NPHP4: variants seen among roughly 807,000 people sequenced by gnomAD.
NPHP4 encodes the protein nephrocystin 4.
A neutral mutation model predicts 155.8 loss-of-function variants in NPHP4; 151 were observed. The ratio of observed to expected loss-of-function variants is 0.97; its 90% CI spans 0.85 to 1.11. The LOEUF is 1.11. NPHP4 is among the 50% of genes least tolerant of loss of function. The probability of loss-of-function intolerance (pLI) is 0.00; values close to 1 mark genes in which losing one functional copy is unlikely to be tolerated. For missense variants in NPHP4, 1,956 were observed against 1,925.7 expected (o/e 1.02, Z -0.29); for synonymous variants, 845 against 816.8 (o/e 1.03, Z -0.59).
chr1:5,898,069 A>T (rs894702584), intron 16 of NPHP4, among the ~76,000 whole-genome samples: 18 of 152,328 alleles, frequency 1.2e-4, no homozygotes, highest in Middle Eastern at 3.4e-3. Context: ...GGCTGGTCTG[A>T]TGGAGATGCC....
At chr1:5,974,318 A>C (rs977106873) in intron 3 of NPHP4, among the ~76,000 whole-genome samples, 2 of 152,182 alleles carry the variant, frequency 1.3e-5, no homozygotes, top group African/African-American at 2.4e-5. Context: ...TGGGGGTTTA[A>C]GCTGTTGCTG....
chr1:5,963,541 C>T (rs1191826319), intron 5 of NPHP4, among the ~76,000 whole-genome samples: 7 of 152,098 alleles, frequency 4.6e-5, no homozygotes, highest in African/African-American at 1.4e-4. Context: ...TCTCTGGGGG[C>T]GGGGCACACA....
chr1:5,968,021 C>T (rs546801265), intron 4 of NPHP4, among the ~76,000 whole-genome samples: 1 of 152,204 alleles, frequency 6.6e-6, no homozygotes, highest in Admixed American at 6.5e-5. Flanking sequence ...ACGCGACAGA[C>T]ACTCAGCCAG....
chr1:5,948,274 G>A (rs1647230626), intron 7 of NPHP4, 23 bp from the exon 8 acceptor site: 2 of 1,527,686 alleles, frequency 1.3e-6, no homozygotes, highest in Non-Finnish European at 1.8e-6. Flanking sequence ...CAGAAGGAAT[G>A]AGCCCCGGCA....
rs528547815 is a variant in NPHP4 at position 5,866,453 on chromosome 1, G to A, written c.3564C>T (p.Pro1188=). The A allele has an allele frequency of 2.6e-5, 42 of 1,587,294 alleles. No homozygotes were observed. Among genetic ancestry groups the A allele is most frequent in the African/African-American group, 1.7e-4 (13 of 74,460 alleles). Residue 1188 remains proline, a synonymous_variant, in exon 26 of 30, where the codon CCC becomes CCT. Transcript: ENST00000378156. ...TCAGAAATATGTCCCGTGGTTCCCC[G>A]GGGCCCTGCCAACCAGATGTGCAGC... is the stretch of plus-strand genomic sequence containing the variant. The part of the protein sequence containing the change: ...NVICETQNVG[P]GEPRDIFLKV...
chr1:5,952,732 G>A lies in NPHP4; in HGVS notation c.778C>T (p.Leu260=), dbSNP rs1395916647. Reference sequence around the variant, plus strand: ...AAGTGGTCCTGGACGTGGAGCTCCAGCAGCTCTTCCTCAAACTTCTCCAGG... The same window carrying A: ...AAGTGGTCCTGGACGTGGAGCTCCAACAGCTCTTCCTCAAACTTCTCCAGG... ...PSLEKFEEEL[L]ELHVQDHFQE... The change falls in exon 7 of 30, where the codon CTG becomes TTG. Residue 260 remains leucine (L), a synonymous_variant. Transcript: ENST00000378156. The A allele has an allele frequency of 2.6e-6, 4 of 1,559,006 alleles. No individual in the cohort carries two copies. Among genetic ancestry groups the A allele is most frequent in the Non-Finnish European group, 3.5e-6 (4 of 1,151,246 alleles).
At chr1:5,911,260 C>A (rs1645166148) in intron 11 of NPHP4, among the ~76,000 whole-genome samples, 1 of 152,204 alleles carries the variant, frequency 6.6e-6, no homozygotes, top group South Asian at 2.1e-4. Flanking sequence ...GTACGGCAAA[C>A]CCCTGCCCAC....
At chr1:5,868,614 G>A (rs926906527) in intron 23 of NPHP4, among the ~76,000 whole-genome samples, 10 of 133,894 alleles carry the variant, frequency 7.5e-5, no homozygotes, top group Admixed American at 1.5e-4. Flanking sequence ...GCAGGCACAC[G>A]TGCACACACA....
Position 5,887,435 on chromosome 1 carries a change from T to C in NPHP4, c.2336A>G (p.Gln779Arg). 12 of 1,613,278 alleles carry C rather than the reference T, an allele frequency of 7.4e-6. No individual in the cohort carries two copies. The highest frequency in any genetic ancestry group is 1.0e-5 in the Non-Finnish European group (12 of 1,179,864). Reference protein sequence around the residue: ...HLLRQGRPAVQASHELEVVAT... With the variant: ...HLLRQGRPAVRASHELEVVAT... ...CACGACCTCAAGCTCGTGGGAGGCC[T>C]GCACAGCCGGCCGGCCTTGGCGGAG... The change falls in exon 18 of 30, where the codon CAG becomes CGG. Residue 779 changes from glutamine (Q) to arginine (R), a missense_variant. Coordinates refer to ENST00000378156, the MANE Select transcript of NPHP4 (RefSeq NM_015102.5).
chr1:5,968,852 G>A (rs1652012876), intron 4 of NPHP4, among the ~76,000 whole-genome samples: 1 of 151,930 alleles, frequency 6.6e-6, no homozygotes, highest in Non-Finnish European at 1.5e-5. Flanking sequence ...TGGCCAACAT[G>A]GCAAAACCCC....
intron 11 of NPHP4, among the ~76,000 whole-genome samples, chr1:5,912,463 G>A (rs867675188): frequency 6.6e-5 from 10 of 151,256 alleles, no homozygotes; most frequent in Admixed American, 2.6e-4. Context: ...GCGTGAACCC[G>A]GGAGGCGGAG....
Position 5,905,178 on chromosome 1 carries a change from A to C in NPHP4, c.1955+114T>G, listed in dbSNP as rs1347070040. The stretch of plus-strand genomic sequence containing the variant: ...AAGATAAAAACAGATGGCACTCCCG[A>C]ATCTACTAAGACCTCAGCACAGACA... On this transcript the variant is annotated intron_variant, in intron 15 of 29. Coordinates refer to ENST00000378156, the MANE Select transcript of NPHP4 (RefSeq NM_015102.5). This position sits in a 1 kb window ranked among gnomAD's most constrained non-coding sequence, Gnocchi z 4.0. 1 of 852,680 alleles carries C rather than the reference A, an allele frequency of 1.2e-6. No homozygotes were observed. The highest frequency in any genetic ancestry group is 1.9e-5 in the Admixed American group (1 of 52,388). The allele number at this position is 852,680 out of a possible 1,614,324, so 52.8% of individuals were successfully genotyped here. A position where few individuals can be genotyped will look rare whatever the true frequency, so the allele number is the denominator to read the frequency against.
intron 3 of NPHP4, among the ~76,000 whole-genome samples, chr1:5,969,911 C>T (rs1652258021): frequency 1.3e-5 from 2 of 152,102 alleles, no homozygotes; most frequent in Non-Finnish European, 2.9e-5. Flanking sequence ...CTTTTTATGC[C>T]GAAAATCACC....
At chr1:5,945,249 C>T (rs1211356346) in intron 9 of NPHP4, among the ~76,000 whole-genome samples, 1 of 151,988 alleles carries the variant, frequency 6.6e-6, no homozygotes, top group Non-Finnish European at 1.5e-5. Flanking sequence ...AGCCATCAGG[C>T]GCTGCCAGGA....
chr1:5,967,297 A>ACG lies in NPHP4; in HGVS notation c.517_517+1dup. 6.2e-7 allele frequency: 1 copy of ACG among 1,600,406 alleles called. No individual in the cohort carries two copies. Among genetic ancestry groups the ACG allele is most frequent in the Non-Finnish European group, 8.5e-7 (1 of 1,173,892 alleles). ...GCTGCCAAGGCCAGGTCTGGCTCTTACGCTCTGCGGGGTCCTGGAGAAGCG... is the reference window on the plus strand; with the variant it reads ...GCTGCCAAGGCCAGGTCTGGCTCTTACGCGCTCTGCGGGGTCCTGGAGAAGCG... On this transcript the variant is annotated splice_donor_variant, in intron 5 of 29. Coordinates refer to ENST00000378156, the MANE Select transcript of NPHP4 (RefSeq NM_015102.5). LOFTEE classifies it high-confidence loss of function.
At position 5,947,187 on chromosome 1, in the gene NPHP4, G is replaced by A. The variant is rs1217880433; in HGVS notation, c.1036C>T (p.Pro346Ser). The part of the protein sequence containing the change: ...ALVLRSRLRL[P>S]EMVGHPAFAV... The stretch of plus-strand genomic sequence containing the variant: ...AATGCAGGGTGGCCGACCATCTCTG[G>A]GAGGCGGAGGCGGCTTCTCAAAACC... Residue 346 changes from proline to serine, a missense_variant, in exon 9 of 30, where the codon CCA becomes TCA. Transcript: ENST00000378156. The A allele has an allele frequency of 1.2e-6, 2 of 1,613,780 alleles. No homozygotes were observed. The highest frequency in any genetic ancestry group is 2.2e-5 in the South Asian group (2 of 91,084).
chr1:5,954,639 C>T (rs1010254476), intron 6 of NPHP4, among the ~76,000 whole-genome samples: 1 of 152,112 alleles, frequency 6.6e-6, no homozygotes, highest in Non-Finnish European at 1.5e-5. Flanking sequence ...AACTGGACAC[C>T]CACATGCAGA....
intron 6 of NPHP4, among the ~76,000 whole-genome samples, chr1:5,954,898 G>C (rs1183643868): frequency 6.6e-6 from 1 of 151,942 alleles, no homozygotes; most frequent in Non-Finnish European, 1.5e-5. Flanking sequence ...AAATAAAAAG[G>C]TCTTACACAA....
At chr1:5,943,585 G>A (rs1046638538) in intron 9 of NPHP4, among the ~76,000 whole-genome samples, 92 of 152,330 alleles carry the variant, frequency 6.0e-4, no homozygotes, top group Middle Eastern at 3.4e-3. Flanking sequence ...AGGGAGAGCA[G>A]ATCCTCCAGT....
Sources: gnomAD v4.1 joint callset for allele counts (sites outside exome capture counted in the v4.1 genomes callset) on GRCh38, gnomAD v4.1.1 for gene constraint, Gnocchi (gnomAD v3.1) non-coding constraint, MANE v1.5 for transcripts, NCBI Gene and HGNC (gene_info 2026-07-23, HGNC 2026-07-21) for gene names.